The following MAPK14 variants were observed in gnomAD, a reference collection of about 807,000 sequenced individuals.
MAPK14 encodes mitogen-activated protein kinase 14, also known as CSAID-binding protein.
MAPK14 carries 16 observed loss-of-function variants against 49.6 expected under a neutral mutation model. The observed-to-expected ratio is 0.32, with a 90% confidence interval of 0.22 to 0.49. The LOEUF is 0.49. Ranked by LOEUF, MAPK14 falls within the 20% of genes least tolerant of loss-of-function variation. The pLI, the probability that MAPK14 is intolerant of heterozygous loss-of-function variation, is 0.99. For missense variants in MAPK14, 200 were observed against 441.2 expected, an observed-to-expected ratio of 0.45 and a Z score of 4.90; for synonymous variants, 142 against 158.0, an observed-to-expected ratio of 0.90 and a Z score of 0.76.
At chr6:36,068,706 TA>T (rs1221308653) in intron 3 of MAPK14, among the ~76,000 whole-genome samples, 1 of 152,128 alleles carries the variant, frequency 6.6e-6, no homozygotes, top group African/African-American at 2.4e-5. Flanking sequence ...TTCTGTGCTT[TA>T]AAAAGTGGGA....
intron 8 of MAPK14, among the ~76,000 whole-genome samples, chr6:36,087,692 C>A (rs188004882): frequency 1.3e-5 from 2 of 152,236 alleles, no homozygotes; most frequent in Admixed American, 1.3e-4. Flanking sequence ...GAATCAATAT[C>A]ATGAAAATGG....
At chr6:36,073,514 G>A (rs1764391937) in intron 4 of MAPK14, among the ~76,000 whole-genome samples, 177 bp from the exon 5 acceptor site, 1 of 152,192 alleles carries the variant, frequency 6.6e-6, no homozygotes, top group African/African-American at 2.4e-5. Context: ...GGAGTCAATG[G>A]CTGTGGAAAT....
intron 1 of MAPK14, among the ~76,000 whole-genome samples, chr6:36,036,536 A>G (rs930371767): frequency 2.2e-5 from 3 of 138,886 alleles, no homozygotes; most frequent in East Asian, 4.0e-4. Flanking sequence ...GAATAAATCA[A>G]TGCAGCAATT....
the MAPK14 span, among the ~76,000 whole-genome samples, chr6:36,117,430 T>A: frequency 6.6e-6 from 1 of 152,206 alleles, no homozygotes; most frequent in African/African-American, 2.4e-5. Flanking sequence ...TCTGAGCTAA[T>A]GTATTCGTTC....
intron 9 of MAPK14, among the ~76,000 whole-genome samples, chr6:36,099,589 C>T (rs978426829): frequency 6.6e-6 from 1 of 152,188 alleles, no homozygotes; most frequent in Non-Finnish European, 1.5e-5. Flanking sequence ...CTAACCTTCT[C>T]CTCTTCTCCT....
chr6:36,088,477 C>G (rs918074791), intron 8 of MAPK14, among the ~76,000 whole-genome samples: 9 of 152,090 alleles, frequency 5.9e-5, no homozygotes. Context: ...AATCCCAGCA[C>G]TTTGGGAGGC....
intron 3 of MAPK14, among the ~76,000 whole-genome samples, chr6:36,063,056 G>A (rs1185949160): frequency 6.6e-6 from 1 of 152,120 alleles, no homozygotes; most frequent in African/African-American, 2.4e-5. Flanking sequence ...TAATGACTGG[G>A]ATGTGTTCTG....
chr6:36,033,625 C>T (rs573830151), intron 1 of MAPK14, among the ~76,000 whole-genome samples: 28 of 152,262 alleles, frequency 1.8e-4, no homozygotes, highest in Admixed American at 7.9e-4. Context: ...TCCACTGGTT[C>T]TTCTTTAAAA....
intron 8 of MAPK14, among the ~76,000 whole-genome samples, chr6:36,095,026 G>A (rs1027190475): frequency 2.0e-5 from 3 of 152,150 alleles, no homozygotes; most frequent in Non-Finnish European, 4.4e-5. Context: ...CAGTATAAAC[G>A]TGGATAAACT....
intron 1 of MAPK14, among the ~76,000 whole-genome samples, chr6:36,045,356 T>G (rs1441005340): frequency 6.6e-6 from 1 of 152,194 alleles, no homozygotes; most frequent in Non-Finnish European, 1.5e-5. Flanking sequence ...CCCTGGTTTA[T>G]TACAGGAATA....
intron 8 of MAPK14, among the ~76,000 whole-genome samples, chr6:36,093,351 G>T (rs1765314512): frequency 6.6e-6 from 1 of 152,088 alleles, no homozygotes; most frequent in Non-Finnish European, 1.5e-5. Flanking sequence ...GTATTCTTCA[G>T]GTAGGTTGGG....
chr6:36,033,594 A>C (rs1293417801), intron 1 of MAPK14, among the ~76,000 whole-genome samples: 1 of 152,090 alleles, frequency 6.6e-6, no homozygotes. Flanking sequence ...GGATTACAGG[A>C]ATGAGCCACC....
intron 8 of MAPK14, among the ~76,000 whole-genome samples, chr6:36,094,640 G>A (rs1765376967): frequency 6.6e-6 from 1 of 152,136 alleles, no homozygotes; most frequent in Admixed American, 6.5e-5. Flanking sequence ...ATAACCATAA[G>A]CAAAAATTTC....
chr6:36,118,680 T>C, the MAPK14 span, among the ~76,000 whole-genome samples: 1 of 152,242 alleles, frequency 6.6e-6, no homozygotes, highest in Non-Finnish European at 1.5e-5. Context: ...TGCTCAAGTA[T>C]GACAGAGCTG....
At chr6:36,052,854 A>G in intron 2 of MAPK14, 26 bp downstream of exon 2, 1 of 1,590,616 alleles carries the variant, frequency 6.3e-7, no homozygotes, top group Non-Finnish European at 8.6e-7. Context: ...AAGGAAGAAT[A>G]CATTTTGATC....
intron 1 of MAPK14, among the ~76,000 whole-genome samples, chr6:36,041,220 C>CT (rs75773187): frequency 1.1e-3 from 148 of 140,724 alleles, no homozygotes; most frequent in African/African-American, 1.5e-3. Context: ...TTATTGTGCT[C>CT]TTTTTTTTTT....
chr6:36,074,866 G>A (rs1764458788), intron 6 of MAPK14, among the ~76,000 whole-genome samples: 2 of 151,588 alleles, frequency 1.3e-5, no homozygotes, highest in Non-Finnish European at 1.5e-5. Flanking sequence ...CACCTGCCTC[G>A]GCCTCTCAAA....
At chr6:36,029,420 C>T (rs1026059033) in intron 1 of MAPK14, among the ~76,000 whole-genome samples, 3 of 152,184 alleles carry the variant, frequency 2.0e-5, no homozygotes, top group Non-Finnish European at 4.4e-5. Context: ...CTCTTAACTT[C>T]CAAGGTTTTA....
chr6:36,043,397 C>A (rs1386684922), intron 1 of MAPK14, among the ~76,000 whole-genome samples: 2 of 152,102 alleles, frequency 1.3e-5, no homozygotes, highest in Non-Finnish European at 2.9e-5. Flanking sequence ...GTTCCTAAAT[C>A]AAAACTTAAG....
Sources: allele counts gnomAD v4.1 joint callset (sites outside exome capture counted in the v4.1 genomes callset), GRCh38; gene constraint gnomAD v4.1.1; transcripts MANE v1.5; gene names NCBI Gene and HGNC (gene_info 2026-07-23, HGNC 2026-07-21).